The following EVC2 variants were observed in gnomAD, a reference collection of about 807,000 sequenced individuals.
The protein encoded by EVC2 is EvC ciliary complex subunit 2.
EVC2 carries 148 observed loss-of-function variants against 149.3 expected under a neutral mutation model. That is an observed-to-expected ratio of 0.99 (90% CI 0.87 to 1.14). The LOEUF (loss-of-function observed/expected upper bound fraction) is 1.14. Ranked by LOEUF, EVC2 falls within the 50% of genes most tolerant of loss-of-function variation. The probability of loss-of-function intolerance (pLI) is 0.00; values close to 1 mark genes in which losing one functional copy is unlikely to be tolerated. For missense variants in EVC2, 1,854 were observed against 1,627.3 expected (o/e 1.14, Z -2.40); for synonymous variants, 776 against 649.9 (o/e 1.19, Z -2.95).
chr4:5,599,203 A>C (rs6823475), intron 16 of EVC2, among the ~76,000 whole-genome samples: 99,562 of 149,070 alleles, frequency 0.67, 33,822 homozygotes, highest in East Asian at 0.86. Context: ...CCATTTGACC[A>C]GGCCATCCCA....
chr4:5,584,633 G>A lies in EVC2; in HGVS notation c.3047C>T (p.Ser1016Leu), dbSNP rs769623217. The A allele has an allele frequency of 1.2e-5, 20 of 1,613,072 alleles. No individual in the cohort carries two copies. The highest frequency in any genetic ancestry group is 1.4e-5 in the Non-Finnish European group (16 of 1,179,692). The change falls in exon 17 of 22, where the codon TCG becomes TTG. Residue 1016 changes from serine (S) to leucine (L), a missense_variant. Physicochemically the swap from Ser to Leu is moderately radical, Grantham distance 145. Coordinates refer to ENST00000344408, the MANE Select transcript of EVC2 (RefSeq NM_147127.5). ...TKSACTQILE[S>L]HSRELQELER... ...AGCGCCTGCACTCACCCGGCTGTGC[G>A]ACTCCAGGATCTGTGTGCAGGCCGA...
rs1721495201 is a variant in EVC2, at chr4:5,696,611, AG to A, written c.283+981del. ...GCGGCATTTTTCCCACCATGGGGAAAGGATGTAACTGCCTGTGAAAGATGCT... is the reference window on the plus strand; with the variant it reads ...GCGGCATTTTTCCCACCATGGGGAAAGATGTAACTGCCTGTGAAAGATGCT... On this transcript the variant is annotated intron_variant, in intron 2 of 21. Coordinates refer to ENST00000344408, the MANE Select transcript of EVC2 (RefSeq NM_147127.5). This position sits in a 1 kb window ranked among gnomAD's most constrained non-coding sequence, Gnocchi z 4.1. 6.6e-6 allele frequency among the ~76,000 whole-genome samples: 1 copy of A among 152,210 alleles called. No homozygotes were observed. The highest frequency in any genetic ancestry group is 1.5e-5 in the Non-Finnish European group (1 of 68,044).
intron 16 of EVC2, among the ~76,000 whole-genome samples, chr4:5,593,845 G>A (rs1373937402): frequency 1.3e-5 from 2 of 152,178 alleles, no homozygotes; most frequent in Non-Finnish European, 2.9e-5. Flanking sequence ...ATGGCACCTG[G>A]AAAATTGGGT....
intron 6 of EVC2, among the ~76,000 whole-genome samples, chr4:5,683,198 C>T (rs927361666): frequency 2.6e-5 from 4 of 152,194 alleles, no homozygotes; most frequent in African/African-American, 9.7e-5. Flanking sequence ...GGCATTCATT[C>T]CCTTGGCCTT....
chr4:5,625,611 A>AGAT lies in EVC2; in HGVS notation c.2046+135_2046+137dup. On this transcript the variant is annotated intron_variant, in intron 13 of 21. Coordinates refer to ENST00000344408, the MANE Select transcript of EVC2 (RefSeq NM_147127.5). The surrounding 1 kb of genome is among the most constrained non-coding windows in gnomAD (Gnocchi z 4.0). ...CAAAAAGTCGCTACCAATCAACAGT[A>AGAT]GATGGCACATCATGGTGCCTGCCCA... 4.5e-6 allele frequency: 5 copies of AGAT among 1,108,690 alleles called. No individual in the cohort carries two copies. The highest frequency in any genetic ancestry group is 2.8e-5 in the South Asian group (2 of 71,326). The allele number at this position is 1,108,690 out of a possible 1,614,324, so 68.7% of individuals were successfully genotyped here.
At position 5,567,446 on chromosome 4, in the gene EVC2, C is replaced by T. The variant is rs116297012; in HGVS notation, c.3557+998G>A. On this transcript the variant is annotated intron_variant, in intron 20 of 21. Transcript: ENST00000344408. The surrounding 1 kb of genome is among the most constrained non-coding windows in gnomAD (Gnocchi z 4.4). ...CAGTCATGATGGTTCAGCAGGCTCTCGGGCTCCCAGATGCCCTCCTGGCCT... is the reference window on the plus strand; with the variant it reads ...CAGTCATGATGGTTCAGCAGGCTCTTGGGCTCCCAGATGCCCTCCTGGCCT... 7.3e-4 allele frequency among the ~76,000 whole-genome samples: 111 copies of T among 152,310 alleles called. No homozygotes were observed. The highest frequency in any genetic ancestry group is 2.6e-3 in the African/African-American group (108 of 41,566).
intron 15 of EVC2, among the ~76,000 whole-genome samples, chr4:5,616,635 T>C (rs1269570713): frequency 6.6e-6 from 1 of 152,180 alleles, no homozygotes; most frequent in African/African-American, 2.4e-5. Context: ...AAAACAACAA[T>C]TTTATCCCCA....
At position 5,689,289 on chromosome 4, in the gene EVC2, T is replaced by C. The variant is rs1173440752; in HGVS notation, c.574A>G (p.Thr192Ala). 4 of 1,614,140 alleles carry C rather than the reference T, an allele frequency of 2.5e-6. No homozygotes were observed. Among genetic ancestry groups the C allele is most frequent in the Non-Finnish European group, 3.4e-6 (4 of 1,180,028 alleles). ...AGGTTGGCTGACGAGGTTGTCTTGG[T>C]GTTGTTAACAAGCAGCCATATGCGG... is the stretch of plus-strand genomic sequence containing the variant. ...TARIWLLVNN[T>A]KTTSSANLSE... Residue 192 changes from threonine (T) to alanine (A), a missense_variant, in exon 5 of 22, where the codon ACC becomes GCC. Coordinates refer to ENST00000344408, the MANE Select transcript of EVC2 (RefSeq NM_147127.5).
chr4:5,560,386 C>T (rs1254113148), downstream of EVC2, among the ~76,000 whole-genome samples: 1 of 152,144 alleles, frequency 6.6e-6, no homozygotes, highest in African/African-American at 2.4e-5. The surrounding 1 kb of genome is among the most constrained non-coding windows in gnomAD (Gnocchi z 4.1). Context: ...GGGAAGGCCT[C>T]AGGAAGCTTA....
rs1173989983 is a variant in EVC2, at chr4:5,679,817, T to C, written c.870+1443A>G. ...TGATGTTCCCCTCCCTGTGACTTTA[T>C]TACCTTTGTAATTTTTTTTTTAACA... On this transcript the variant is annotated intron_variant, in intron 7 of 21. Coordinates refer to ENST00000344408, the MANE Select transcript of EVC2 (RefSeq NM_147127.5). This position sits in a 1 kb window ranked among gnomAD's most constrained non-coding sequence, Gnocchi z 5.1. Among the ~76,000 whole-genome samples the C allele has an allele frequency of 1.4e-5, 2 of 147,908 alleles. No individual in the cohort carries two copies. The highest frequency in any genetic ancestry group is 3.0e-5 in the Non-Finnish European group (2 of 66,440).
At chr4:5,555,954 C>A (rs921473277) in intron 21 of EVC2, among the ~76,000 whole-genome samples, 3 of 151,742 alleles carry the variant, frequency 2.0e-5, no homozygotes, top group Non-Finnish European at 1.5e-5. Context: ...CTGAGGCAGG[C>A]GGATCACGAG....
chr4:5,561,036 C>T (rs1167214767), downstream of EVC2, among the ~76,000 whole-genome samples: 6 of 152,216 alleles, frequency 3.9e-5, no homozygotes, highest in African/African-American at 1.4e-4. Flanking sequence ...GCAGCTTGGG[C>T]ACCTCCTGCT....
At position 5,587,766 on chromosome 4, in the gene EVC2, G is replaced by A. The variant is rs112587442; in HGVS notation, c.2830-2916C>T. The stretch of plus-strand genomic sequence containing the variant: ...TGAGAGGGTCGTGATTGAGCAAGCA[G>A]GGGTACGTGACTGGGGGCTGCATAC... On this transcript the variant is annotated intron_variant, in intron 16 of 21. Coordinates refer to ENST00000344408, the MANE Select transcript of EVC2 (RefSeq NM_147127.5). Among the ~76,000 whole-genome samples, 201 of 152,310 alleles carry A rather than the reference G, an allele frequency of 1.3e-3. 1 individual carries two copies. The highest frequency in any genetic ancestry group is 4.3e-3 in the African/African-American group (180 of 41,586).
intron 21 of EVC2, among the ~76,000 whole-genome samples, chr4:5,551,055 G>T (rs112763166): frequency 6.6e-6 from 1 of 152,226 alleles, no homozygotes; most frequent in Non-Finnish European, 1.5e-5. Context: ...CAGGGGTGGG[G>T]CCCTCATGGA....
In EVC2 at chr4:5,684,319, C is replaced by T. The variant is rs190679774; in HGVS notation, c.816+1051G>A. On this transcript the variant is annotated intron_variant, in intron 6 of 21. Transcript: ENST00000344408. ...TTTTTGTTTTGTTTTGTTTTGTTTTCCCCTCATTGCAGCAGAACCACCACA... is the reference window on the plus strand; with the variant it reads ...TTTTTGTTTTGTTTTGTTTTGTTTTTCCCTCATTGCAGCAGAACCACCACA... Among the ~76,000 whole-genome samples, 296 of 152,102 alleles carry T rather than the reference C, an allele frequency of 1.9e-3. 3 individuals carry two copies. Among genetic ancestry groups the T allele is most frequent in the Non-Finnish European group, 2.5e-3 (170 of 67,986 alleles).
chr4:5,669,329 G>C (rs868669884), intron 7 of EVC2, among the ~76,000 whole-genome samples: 1 of 152,174 alleles, frequency 6.6e-6, no homozygotes, highest in Non-Finnish European at 1.5e-5. Flanking sequence ...TGTGGAACAC[G>C]TATCATCCCT....
At chr4:5,540,895 C>T (rs112019922), downstream of EVC2, among the ~76,000 whole-genome samples, 8 of 152,262 alleles carry the variant, frequency 5.3e-5, no homozygotes, top group South Asian at 4.2e-4. Context: ...AATTCTAAAA[C>T]GTGGACACCA....
chr4:5,657,747 A>AG lies in EVC2; in HGVS notation c.1145+5359_1145+5360insC, dbSNP rs1368604547. Among the ~76,000 whole-genome samples, 1 of 151,372 alleles carries AG rather than the reference A, an allele frequency of 6.6e-6. No individual in the cohort carries two copies. Among genetic ancestry groups the AG allele is most frequent in the Non-Finnish European group, 1.5e-5 (1 of 67,838 alleles). ...ACAACAACATTAATTTGAAAAAGAA[A>AG]AAAAAAAAAGGTAGTTTCCGGCAGC... is the stretch of plus-strand genomic sequence containing the variant. On this transcript the variant is annotated intron_variant, in intron 9 of 21. Coordinates refer to ENST00000344408, the MANE Select transcript of EVC2 (RefSeq NM_147127.5). The surrounding 1 kb of genome is among the most constrained non-coding windows in gnomAD (Gnocchi z 4.7).
chr4:5,697,558 A>C (rs763140447), intron 2 of EVC2, 35 bp downstream of exon 2: 1 of 1,612,252 alleles, frequency 6.2e-7, no homozygotes. Context: ...TTTCATGCTC[A>C]AAACAGGGGA....
Sources: gnomAD v4.1 joint callset for allele counts (sites outside exome capture counted in the v4.1 genomes callset) on GRCh38, gnomAD v4.1.1 for gene constraint, Gnocchi (gnomAD v3.1) non-coding constraint, MANE v1.5 for transcripts, NCBI Gene and HGNC (gene_info 2026-07-23, HGNC 2026-07-21) for gene names.